Variants in GRIA1 observed in about 807,000 individuals in gnomAD.
GRIA1 encodes glutamate ionotropic receptor AMPA type subunit 1.
A neutral mutation model predicts 99.2 loss-of-function variants in GRIA1; 31 were observed. The ratio of observed to expected loss-of-function variants is 0.31; its 90% confidence interval spans 0.23 to 0.42. The LOEUF (loss-of-function observed/expected upper bound fraction) is 0.42, where lower values mean the gene tolerates loss of function less well. Among genes scored for constraint, GRIA1 ranks in the 10% least tolerant of loss-of-function variants. GRIA1 has a pLI of 1.00. For missense variants in GRIA1, 782 were observed against 1,157.5 expected (o/e 0.68, Z 4.71); for synonymous variants, 438 against 432.4 (o/e 1.01, Z -0.16).
intron 8 of GRIA1, among the ~76,000 whole-genome samples, chr5:153,694,203 C>T (rs991725353): frequency 6.6e-6 from 1 of 152,140 alleles, no homozygotes; most frequent in African/African-American, 2.4e-5. Flanking sequence ...GGACAACTAT[C>T]CTTAAAAATT....
In GRIA1 at chr5:153,700,090, A is replaced by G. The variant is rs552391840; in HGVS notation, c.1452+1017A>G. Among the ~76,000 whole-genome samples, 20 of 152,292 alleles carry G rather than the reference A, an allele frequency of 1.3e-4. No homozygotes were observed. In the East Asian group the frequency reaches 3.7e-3, roughly 28 times the overall value. On this transcript the variant is annotated intron_variant, in intron 10 of 15. Transcript: ENST00000285900. ...TGAAACTTGAAAAATGACCATATTT[A>G]AACAGACCGAGAGGCCGGGCACAGT...
intron 5 of GRIA1, among the ~76,000 whole-genome samples, chr5:153,670,930 A>G (rs1370130908): frequency 6.6e-6 from 1 of 152,208 alleles, no homozygotes; most frequent in East Asian, 1.9e-4. Context: ...GAGATGCAAG[A>G]TTATTATTCC....
intron 1 of GRIA1, 80 bp downstream of exon 1, chr5:153,491,050 T>C: frequency 7.7e-7 from 1 of 1,293,182 alleles, no homozygotes; most frequent in Non-Finnish European, 1.1e-6. Context: ...GTGTACCCCC[T>C]CCCCGGTACT....
At chr5:153,802,578 A>G (rs1766124187) in intron 15 of GRIA1, 88 bp downstream of exon 15, 1 of 1,364,364 alleles carries the variant, frequency 7.3e-7, no homozygotes. Flanking sequence ...AAGGGTGGGG[A>G]ATGACAGGTG....
chr5:153,576,393 G>A (rs1762532578), intron 2 of GRIA1, among the ~76,000 whole-genome samples: 1 of 152,228 alleles, frequency 6.6e-6, no homozygotes, highest in African/African-American at 2.4e-5. Context: ...AGGTAGTGAA[G>A]TGGAGGCAAT....
At chr5:153,619,967 A>G (rs940570590) in intron 2 of GRIA1, among the ~76,000 whole-genome samples, 3 of 152,194 alleles carry the variant, frequency 2.0e-5, no homozygotes, top group African/African-American at 7.2e-5. Context: ...AAGTTAGAAC[A>G]AGTCTCTACA....
intron 2 of GRIA1, among the ~76,000 whole-genome samples, chr5:153,536,649 G>A (rs1434689912): frequency 6.6e-6 from 1 of 152,078 alleles, no homozygotes; most frequent in African/African-American, 2.4e-5. Flanking sequence ...GGAATCCATT[G>A]GGCAGATAGT....
chr5:153,512,273 T>C (rs898653184), intron 2 of GRIA1, among the ~76,000 whole-genome samples: 7 of 152,144 alleles, frequency 4.6e-5, no homozygotes, highest in African/African-American at 1.7e-4. Context: ...GACCCCACTT[T>C]ACCTTGAGTG....
At position 153,596,909 on chromosome 5, in the gene GRIA1, C is replaced by A. The variant is rs567679957; in HGVS notation, c.221-50019C>A. 2.0e-5 allele frequency among the ~76,000 whole-genome samples: 3 copies of A among 152,318 alleles called. No individual in the cohort carries two copies. The South Asian group carries it at 6.2e-4, about 32-fold the overall frequency. ...TCCCACCGGCAAGCCGGTGCTAGTG[C>A]CACTCAGCTGTCATACAGGCTGATG... On this transcript the variant is annotated intron_variant, in intron 2 of 15. Coordinates refer to ENST00000285900, the MANE Select transcript of GRIA1 (RefSeq NM_000827.4).
At chr5:153,628,646 A>T (rs1217022978) in intron 2 of GRIA1, among the ~76,000 whole-genome samples, 1 of 152,222 alleles carries the variant, frequency 6.6e-6, no homozygotes, top group African/African-American at 2.4e-5. Flanking sequence ...CTACAACTTC[A>T]TCTGCATTTG....
In GRIA1 at chr5:153,677,010, C is replaced by T; in HGVS notation, c.878C>T (p.Thr293Ile). ...TCCCACTAGTACACCTCTGCGCTCA[C>T]CTACGATGGGGTGAAGGTGATGGCT... ...WKRPKYTSALTYDGVKVMAEA... is the reference protein window; with the variant it reads ...WKRPKYTSALIYDGVKVMAEA... The change falls in exon 7 of 16, where the codon ACC becomes ATC. Residue 293 changes from threonine (T) to isoleucine (I), a missense_variant. Physicochemically the swap from Thr to Ile is moderately conservative, Grantham distance 89 (BLOSUM62 -1). Coordinates refer to ENST00000285900, the MANE Select transcript of GRIA1 (RefSeq NM_000827.4). 1 of 1,510,926 alleles carries T rather than the reference C, an allele frequency of 6.6e-7. No individual in the cohort carries two copies. Among genetic ancestry groups the T allele is most frequent in the Non-Finnish European group, 8.9e-7 (1 of 1,121,078 alleles). The allele number at this position is 1,510,926 out of a possible 1,614,324, so 93.6% of individuals were successfully genotyped here.
intron 5 of GRIA1, among the ~76,000 whole-genome samples, chr5:153,663,873 T>G (rs955087680): frequency 1.3e-5 from 2 of 152,218 alleles, no homozygotes; most frequent in Non-Finnish European, 2.9e-5. Flanking sequence ...TCTCAAGCAC[T>G]TGGTGTGTGT....
chr5:153,710,222 G>A (rs1426200566), intron 11 of GRIA1, among the ~76,000 whole-genome samples: 1 of 121,160 alleles, frequency 8.3e-6, no homozygotes, highest in Non-Finnish European at 1.7e-5. Context: ...CCTGCTTCTT[G>A]TTCAAAAAAA....
chr5:153,647,190 G>T (rs778580176), intron 3 of GRIA1, 23 bp downstream of exon 3: 7 of 1,608,700 alleles, frequency 4.4e-6, no homozygotes, highest in Non-Finnish European at 6.0e-6. Flanking sequence ...TTAGGGGAGG[G>T]AGACTTTTGA....
chr5:153,811,131 G>A lies in GRIA1; in HGVS notation c.2627G>A (p.Gly876Asp), dbSNP rs141326442. 5 of 1,614,024 alleles carry A rather than the reference G, an allele frequency of 3.1e-6. No individual in the cohort carries two copies. The highest frequency in any genetic ancestry group is 1.3e-5 in the African/African-American group (1 of 74,930). The change falls in exon 16 of 16, where the codon GGT (glycine) becomes GAT (aspartate). Residue 876 changes from glycine to aspartate, a missense_variant. By Grantham distance (94) the Gly-to-Asp change is moderately conservative. Transcript: ENST00000285900. ...GASSGGSGEN[G>D]RVVSHDFPKS... ...AGCAGCGGCGGCAGTGGAGAGAATG[G>A]TCGGGTGGTCAGCCATGACTTCCCC...
At chr5:153,698,250 C>CA (rs1758258688) in intron 9 of GRIA1, 96 bp downstream of exon 9, 2 of 635,426 alleles carry the variant, frequency 3.1e-6, no homozygotes, top group Non-Finnish European at 5.6e-6. Flanking sequence ...TTCTTCTTGC[C>CA]AAAACTGTGT....
chr5:153,671,018 A>G (rs1211358095), intron 5 of GRIA1, among the ~76,000 whole-genome samples: 1 of 152,122 alleles, frequency 6.6e-6, no homozygotes, highest in Non-Finnish European at 1.5e-5. Context: ...GTTATTTCCT[A>G]ATTTTGTTTC....
intron 1 of GRIA1, among the ~76,000 whole-genome samples, chr5:153,492,845 C>T (rs543840503): frequency 2.0e-5 from 3 of 152,198 alleles, no homozygotes; most frequent in East Asian, 1.9e-4. Context: ...AATATCACTG[C>T]CATCAGGTAG....
chr5:153,700,590 A>C (rs1290371235), intron 10 of GRIA1, among the ~76,000 whole-genome samples: 1 of 152,090 alleles, frequency 6.6e-6, no homozygotes, highest in Non-Finnish European at 1.5e-5. Context: ...TTCAGTGGGC[A>C]TTGGGAGATC....
Sources: gnomAD v4.1 joint callset for allele counts (sites outside exome capture counted in the v4.1 genomes callset) on GRCh38, gnomAD v4.1.1 for gene constraint, MANE v1.5 for transcripts, NCBI Gene and HGNC (gene_info 2026-07-23, HGNC 2026-07-21) for gene names.